Variants in IMMP1L observed in about 807,000 individuals in gnomAD.
The protein encoded by IMMP1L is inner mitochondrial membrane peptidase subunit 1.
In IMMP1L, 24 loss-of-function variants were observed where a neutral mutation model predicts 21.8. That is an observed-to-expected ratio of 1.10 (90% CI 0.80 to 1.55). The LOEUF (loss-of-function observed/expected upper bound fraction) is 1.55, where lower values mean the gene tolerates loss of function less well. Among genes scored for constraint, IMMP1L ranks in the 40% most tolerant of loss-of-function variants. IMMP1L has a pLI of 0.00. For missense variants in IMMP1L, 195 were observed against 200.7 expected (o/e 0.97, Z 0.17); for synonymous variants, 46 against 62.8 (o/e 0.73, Z 1.26).
intron 1 of IMMP1L, among the ~76,000 whole-genome samples, chr11:31,508,397 C>A (rs1399760727): frequency 6.6e-6 from 1 of 152,196 alleles, no homozygotes; most frequent in Non-Finnish European, 1.5e-5. Context: ...AGACAGTAAT[C>A]ACTCAACAGC....
At chr11:31,491,641 T>C (rs148462828) in intron 1 of IMMP1L, among the ~76,000 whole-genome samples, 2 of 152,346 alleles carry the variant, frequency 1.3e-5, no homozygotes, top group Admixed American at 1.3e-4. Context: ...GAAAAACCTA[T>C]GATTTGGAGA....
intron 1 of IMMP1L, among the ~76,000 whole-genome samples, chr11:31,502,868 T>A (rs1429989988): frequency 3.3e-5 from 5 of 152,228 alleles, no homozygotes; most frequent in African/African-American, 1.2e-4. Context: ...GTTTTTGTGT[T>A]GACCATTAAA....
intron 1 of IMMP1L, among the ~76,000 whole-genome samples, chr11:31,491,220 T>C (rs1396475746): frequency 6.6e-6 from 1 of 152,192 alleles, no homozygotes; most frequent in Middle Eastern, 3.2e-3. Flanking sequence ...CTAGGTTGCC[T>C]TGAAGAAATT....
intron 2 of IMMP1L, among the ~76,000 whole-genome samples, chr11:31,461,347 T>C (rs1012789249): frequency 6.6e-6 from 1 of 152,122 alleles, no homozygotes; most frequent in East Asian, 1.9e-4. Context: ...TCCCAAAACT[T>C]TGGAAGAATG....
chr11:31,446,551 CT>C (rs1389210972), intron 4 of IMMP1L, among the ~76,000 whole-genome samples: 1 of 152,174 alleles, frequency 6.6e-6, no homozygotes, highest in African/African-American at 2.4e-5. Context: ...GACTACCATG[CT>C]TGGCTTATAC....
intron 4 of IMMP1L, among the ~76,000 whole-genome samples, chr11:31,441,136 A>G (rs1214731771): frequency 1.3e-5 from 2 of 152,166 alleles, no homozygotes; most frequent in Non-Finnish European, 2.9e-5. Flanking sequence ...TGACCAGTGC[A>G]TACTATTTAA....
At chr11:31,494,799 C>T (rs1318464281) in intron 1 of IMMP1L, among the ~76,000 whole-genome samples, 2 of 152,122 alleles carry the variant, frequency 1.3e-5, no homozygotes, top group Admixed American at 1.3e-4. Flanking sequence ...GTGCCCGCCA[C>T]CACGCCCAGC....
chr11:31,503,721 G>T (rs957562054), intron 1 of IMMP1L, among the ~76,000 whole-genome samples: 2 of 152,192 alleles, frequency 1.3e-5, no homozygotes, highest in African/African-American at 4.8e-5. Context: ...AGGCTCTACA[G>T]ATTTAATAGA....
intron 1 of IMMP1L, among the ~76,000 whole-genome samples, chr11:31,496,142 C>T (rs1955427464): frequency 2.0e-5 from 3 of 150,460 alleles, no homozygotes; most frequent in African/African-American, 7.3e-5. Flanking sequence ...AAAGCCATTA[C>T]TCAATTCAAA....
intron 4 of IMMP1L, among the ~76,000 whole-genome samples, chr11:31,435,870 C>T (rs1953101183): frequency 6.6e-6 from 1 of 152,144 alleles, no homozygotes; most frequent in African/African-American, 2.4e-5. Flanking sequence ...TCTTCTTTTA[C>T]ATTTAACTGT....
At chr11:31,481,816 T>C (rs1954899256) in intron 1 of IMMP1L, among the ~76,000 whole-genome samples, 1 of 151,948 alleles carries the variant, frequency 6.6e-6, no homozygotes, top group African/African-American at 2.4e-5. Context: ...AACCTAATTT[T>C]TCCCTCAATT....
intron 1 of IMMP1L, among the ~76,000 whole-genome samples, chr11:31,489,379 T>C (rs1451475714): frequency 6.6e-6 from 1 of 152,214 alleles, no homozygotes; most frequent in Admixed American, 6.5e-5. Context: ...ATGTTATTAA[T>C]ACATAACATT....
chr11:31,456,217 T>C, intron 4 of IMMP1L, 43 bp downstream of exon 4: 4 of 1,407,180 alleles, frequency 2.8e-6, no homozygotes, highest in Non-Finnish European at 3.9e-6. Flanking sequence ...TTAATGTTAA[T>C]CAATTATGAC....
At chr11:31,464,408 A>C (rs1954259881) in intron 1 of IMMP1L, among the ~76,000 whole-genome samples, 1 of 152,114 alleles carries the variant, frequency 6.6e-6, no homozygotes, top group African/African-American at 2.4e-5. Context: ...TATTCCAAAA[A>C]ACTGGAAATT....
chr11:31,466,680 T>A (rs1591989464), intron 1 of IMMP1L, among the ~76,000 whole-genome samples: 1 of 152,066 alleles, frequency 6.6e-6, no homozygotes, highest in Non-Finnish European at 1.5e-5. Context: ...ACCTTATGTT[T>A]TCACTCATCT....
intron 5 of IMMP1L, 58 bp downstream of exon 5, chr11:31,433,402 G>A: frequency 1.0e-6 from 1 of 985,976 alleles, no homozygotes; most frequent in Non-Finnish European, 1.5e-6. Context: ...AGATCATTTT[G>A]AGAGAAACTT....
chr11:31,505,558 T>C lies in IMMP1L; in HGVS notation c.-30+3961A>G, dbSNP rs959057385. 5.9e-5 allele frequency among the ~76,000 whole-genome samples: 9 copies of C among 152,176 alleles called. No homozygotes were observed. In the East Asian group the frequency reaches 9.6e-4, roughly 16 times the overall value. ...CCTATTATAACACAGATACTAAAAC[T>C]AAAGCAAACAGTGGAAGAAATGGTA... On this transcript the variant is annotated intron_variant, in intron 1 of 5. Coordinates refer to ENST00000532287, the MANE Select transcript of IMMP1L (RefSeq NM_001304274.2).
Position 31,463,182 on chromosome 11 carries a change from C to A in IMMP1L, c.95G>T (p.Gly32Val). ...AACATAAAAACTTACCATGACAACA[C>A]CACCAACGTATTCAAAAGCACAATG... ...IAHCAFEYVG[G>V]VVMCSGPSME... Residue 32 changes from glycine to valine, a missense_variant, in exon 2 of 6, where the codon GGT becomes GTT. Physicochemically the swap from Gly to Val is moderately radical, Grantham distance 109. Transcript: ENST00000532287. The A allele has an allele frequency of 6.2e-7, 1 of 1,604,544 alleles. No homozygotes were observed. The highest frequency in any genetic ancestry group is 1.1e-5 in the South Asian group (1 of 88,838).
At chr11:31,465,765 A>G (rs1954316933) in intron 1 of IMMP1L, among the ~76,000 whole-genome samples, 2 of 152,072 alleles carry the variant, frequency 1.3e-5, no homozygotes, top group South Asian at 2.1e-4. Context: ...ACTAGTCCCC[A>G]TATCTCTAAC....
Sources: gnomAD v4.1 joint callset for allele counts (sites outside exome capture counted in the v4.1 genomes callset) on GRCh38, gnomAD v4.1.1 for gene constraint, MANE v1.5 for transcripts, NCBI Gene and HGNC (gene_info 2026-07-23, HGNC 2026-07-21) for gene names.